Variants in WDR73 observed in about 807,000 individuals in gnomAD.
The protein encoded by WDR73 is integrator complex assembly factor WDR73.
A neutral mutation model predicts 38.2 loss-of-function variants in WDR73; 30 were observed. That is an observed-to-expected ratio of 0.79 (90% CI 0.59 to 1.06). The LOEUF (loss-of-function observed/expected upper bound fraction) is 1.06, where lower values mean the gene tolerates loss of function less well. Ranked by LOEUF, WDR73 falls within the 50% of genes least tolerant of loss-of-function variation. The pLI, the probability that WDR73 is intolerant of heterozygous loss-of-function variation, is 0.00. For synonymous variants in WDR73, 197 were observed against 176.0 expected, an observed-to-expected ratio of 1.12 and a Z score of -0.94; for missense variants, 487 against 467.0, an observed-to-expected ratio of 1.04 and a Z score of -0.40.
intron 3 of WDR73, among the ~76,000 whole-genome samples, chr15:84,649,100 ATAAT>A (rs1896547161): frequency 6.6e-6 from 1 of 152,232 alleles, no homozygotes; most frequent in African/African-American, 2.4e-5. Context: ...TATAGGTACT[ATAAT>A]TATCCCTATT....
chr15:84,645,657 A>G lies in WDR73; in HGVS notation c.697T>C (p.Trp233Arg), dbSNP rs371698893. Reference sequence around the variant, plus strand: ...ATGCTGGGCCCAGGGCCCTGGCCCCAGCTCCCAACTTCAGCACACCATCTC... The same window carrying G: ...ATGCTGGGCCCAGGGCCCTGGCCCCGGCTCCCAACTTCAGCACACCATCTC... ...GERWCAEVGS[W>R]GQGPGPSIAS... is the part of the protein sequence containing the mutation. The change falls in exon 7 of 8, where the codon TGG becomes CGG. Residue 233 changes from tryptophan (W) to arginine (R), a missense_variant. By Grantham distance (101) the Trp-to-Arg change is moderately radical (BLOSUM62 -3). Coordinates refer to ENST00000434634, the MANE Select transcript of WDR73 (RefSeq NM_032856.5). 35 of 1,608,464 alleles carry G rather than the reference A, an allele frequency of 2.2e-5. 1 individual carries two copies. In the African/African-American group the frequency reaches 4.3e-4, roughly 20 times the overall value.
intron 3 of WDR73, among the ~76,000 whole-genome samples, chr15:84,650,246 C>T (rs1157602502): frequency 6.6e-6 from 1 of 152,158 alleles, no homozygotes; most frequent in African/African-American, 2.4e-5. Flanking sequence ...TGCAGTGGTG[C>T]CATCTCAGGT....
At chr15:84,643,820 T>TCAACATGG in intron 7 of WDR73, 97 bp from the exon 8 acceptor site, 1 of 1,381,182 alleles carries the variant, frequency 7.2e-7, no homozygotes, top group Non-Finnish European at 9.6e-7. Flanking sequence ...TTTCACCATG[T>TCAACATGG]TGACCAGGAT....
intron 3 of WDR73, among the ~76,000 whole-genome samples, chr15:84,649,205 C>G (rs544317910): frequency 2.6e-5 from 4 of 152,336 alleles, no homozygotes; most frequent in African/African-American, 7.2e-5. Context: ...CAAAGTCTGT[C>G]TAACCCAAGT....
At chr15:84,653,891 T>C in intron 1 of WDR73, 192 bp from the exon 2 acceptor site, 1 of 617,530 alleles carries the variant, frequency 1.6e-6, no homozygotes, top group South Asian at 1.9e-5. Context: ...TCGGTCCTCA[T>C]GTGTGGACGT....
rs959982596 is a variant in WDR73 at position 84,653,884 on chromosome 15, G to A, written c.42-185C>T. ...AGTCCCTTGATGTCCCTGAGCCTCG[G>A]TCCTCATGTGTGGACGTCCCAGGGT... On this transcript the variant is annotated intron_variant, in intron 1 of 7. Coordinates refer to ENST00000434634, the MANE Select transcript of WDR73 (RefSeq NM_032856.5). 4.8e-6 allele frequency: 3 copies of A among 622,532 alleles called. No homozygotes were observed. The African/African-American group carries it at 5.5e-5, about 11-fold the overall frequency. 38.6% of individuals were successfully genotyped at this position (622,532 alleles called of 1,614,324 possible). A position where few individuals can be genotyped will look rare whatever the true frequency, so the allele number is the denominator to read the frequency against.
chr15:84,649,461 CTTTT>C (rs762810980), intron 3 of WDR73, among the ~76,000 whole-genome samples: 36 of 139,018 alleles, frequency 2.6e-4, no homozygotes, highest in African/African-American at 6.8e-4. Flanking sequence ...ACAAATTTGG[CTTTT>C]TTTTTTTTTT....
intron 7 of WDR73, 25 bp downstream of exon 7, chr15:84,645,446 A>G: frequency 6.2e-7 from 1 of 1,609,920 alleles, no homozygotes; most frequent in Non-Finnish European, 8.5e-7. Flanking sequence ...ATCAGATAAC[A>G]AGACGAAATC....
chr15:84,647,076 G>T (rs1201018060), intron 5 of WDR73: 1 of 152,232 alleles, frequency 6.6e-6, no homozygotes, highest in Non-Finnish European at 1.5e-5. Context: ...TGTATTTTTA[G>T]TAGAGACGGG....
chr15:84,645,755 A>G lies in WDR73; in HGVS notation c.599T>C (p.Leu200Pro), dbSNP rs1171342026. 6.2e-7 allele frequency: 1 copy of G among 1,612,268 alleles called. No homozygotes were observed. The highest frequency in any genetic ancestry group is 1.1e-5 in the South Asian group (1 of 90,772). The change falls in exon 7 of 8, where the codon CTG becomes CCG. Residue 200 changes from leucine to proline, a missense_variant. By Grantham distance (98) the Leu-to-Pro change is moderately conservative. Coordinates refer to ENST00000434634, the MANE Select transcript of WDR73 (RefSeq NM_032856.5). ...TFAFCCASGR[L>P]GLVDTRQKWA... ...CTTCTGCCGGGTGTCAACAAGCCCCAGCCGGCCTGAAGCACAGCAGAAGGC... is the reference window on the plus strand; with the variant it reads ...CTTCTGCCGGGTGTCAACAAGCCCCGGCCGGCCTGAAGCACAGCAGAAGGC...
At chr15:84,644,575 CTTTTTTTT>C (rs397853712) in intron 7 of WDR73, 4 of 109,590 alleles carry the variant, frequency 3.6e-5, no homozygotes, top group Admixed American at 2.0e-4. Context: ...TGGCTTGCTA[CTTTTTTTT>C]TTTTTTTTTT....
Position 84,645,772 on chromosome 15 carries a change from G to A in WDR73, c.582C>T (p.Cys194=). Residue 194 remains cysteine, a synonymous_variant, in exon 7 of 8, where the codon TGC becomes TGT. Transcript: ENST00000434634. ...QVLDADTFAF[C]CASGRLGLVD... ...CAAGCCCCAGCCGGCCTGAAGCACA[G>A]CAGAAGGCAAAGGTGTCTGCATCTA... is the stretch of plus-strand genomic sequence containing the variant. 1 of 1,613,318 alleles carries A rather than the reference G, an allele frequency of 6.2e-7. No homozygotes were observed.
At position 84,653,614 on chromosome 15, in the gene WDR73, G is replaced by A. The variant is rs371500568; in HGVS notation, c.109+18C>T. On this transcript the variant is annotated intron_variant, in intron 2 of 7. Coordinates refer to ENST00000434634, the MANE Select transcript of WDR73 (RefSeq NM_032856.5). ...GGAGTGAGATTCCCTCTCCTTCAGG[G>A]CTAGAAAGGTATACCACCTTTGTCA... 1.0e-5 allele frequency: 16 copies of A among 1,568,824 alleles called. No homozygotes were observed. The South Asian group carries it at 1.9e-4, about 18-fold the overall frequency.
In WDR73 at chr15:84,645,853, A is replaced by G; in HGVS notation, c.518-17T>C. 2 of 1,613,542 alleles carry G rather than the reference A, an allele frequency of 1.2e-6. No homozygotes were observed. The highest frequency in any genetic ancestry group is 1.7e-6 in the Non-Finnish European group (2 of 1,179,836). ...CACTGACATCTGGAAGACCGACAGC[A>G]AAGGAGACAAGCGGCTGGAGGCAGA... On this transcript the variant is annotated splice_polypyrimidine_tract_variant and intron_variant, in intron 6 of 7. Coordinates refer to ENST00000434634, the MANE Select transcript of WDR73 (RefSeq NM_032856.5).
In WDR73 at chr15:84,647,953, A is replaced by G. The variant is rs762238315; in HGVS notation, c.289T>C (p.Leu97=). The G allele has an allele frequency of 8.1e-6, 13 of 1,613,876 alleles. No individual in the cohort carries two copies. The highest frequency in any genetic ancestry group is 1.7e-5 in the Admixed American group (1 of 60,002). ...FDLKHVPHTR[L]LVTSGLPGCY... ...CCTGGAAGGCCACTGGTAACCAGCA[A>G]TCTATTCAGAAAAGACAAAATCAGT... is the stretch of plus-strand genomic sequence containing the variant. Residue 97 remains leucine, a splice_region_variant and synonymous_variant, in exon 5 of 8, where the codon TTG becomes CTG. Transcript: ENST00000434634.
At chr15:84,652,895 C>G in intron 2 of WDR73, 93 bp from the exon 3 acceptor site, 1 of 733,626 alleles carries the variant, frequency 1.4e-6, no homozygotes, top group Admixed American at 3.1e-5. Flanking sequence ...CTTCACTGTG[C>G]AGCCTTGTAT....
rs1444739569 is a variant in WDR73 at position 84,641,433 on chromosome 15, A to G, written c.*2037T>C. ...ACTTGAGAAGCAGGTGGCACCCAGG[A>G]AAGCCTGTTCCCCTAAGTAAGTTTG... is the stretch of plus-strand genomic sequence containing the variant. On this transcript the variant is annotated 3_prime_UTR_variant, in exon 8 of 8. Transcript: ENST00000434634. 2 of 152,220 alleles carry G rather than the reference A, an allele frequency of 1.3e-5. No individual in the cohort carries two copies. Among genetic ancestry groups the G allele is most frequent in the African/African-American group, 4.8e-5 (2 of 41,464 alleles). The allele number at this position is 152,220 out of a possible 1,614,324, so 9.4% of individuals were successfully genotyped here. A position where few individuals can be genotyped will look rare whatever the true frequency, so the allele number is the denominator to read the frequency against.
chr15:84,642,341 A>C lies in WDR73; in HGVS notation c.*1129T>G, dbSNP rs989363616. 92 of 113,364 alleles carry C rather than the reference A, an allele frequency of 8.1e-4. No homozygotes were observed. The highest frequency in any genetic ancestry group is 3.4e-3 in the African/African-American group (87 of 25,468). 7.0% of individuals were successfully genotyped at this position (113,364 alleles called of 1,614,324 possible). A position where few individuals can be genotyped will look rare whatever the true frequency, so the allele number is the denominator to read the frequency against. ...GGTGACAGAGCAAGACTCCATCTCT[A>C]CTACAAAAAAAAAAAAAAAAAAAAT... On this transcript the variant is annotated 3_prime_UTR_variant, in exon 8 of 8. Transcript: ENST00000434634.
chr15:84,649,259 C>T (rs1033544185), intron 3 of WDR73, among the ~76,000 whole-genome samples: 2 of 152,134 alleles, frequency 1.3e-5, no homozygotes, highest in Admixed American at 1.3e-4. Context: ...ATGTAAGGAA[C>T]CAGAGGCAAG....
Sources: gnomAD v4.1 joint callset for allele counts (sites outside exome capture counted in the v4.1 genomes callset) on GRCh38, gnomAD v4.1.1 for gene constraint, MANE v1.5 for transcripts, NCBI Gene and HGNC (gene_info 2026-07-23, HGNC 2026-07-21) for gene names.